Variants in ALDH1A1 observed in about 807,000 individuals in gnomAD.
The protein encoded by ALDH1A1 is aldehyde dehydrogenase 1A1.
ALDH1A1 carries 19 observed loss-of-function variants against 62.1 expected under a neutral mutation model. The observed-to-expected ratio is 0.31, with a 90% CI of 0.21 to 0.45. The LOEUF is 0.45. Among genes scored for constraint, ALDH1A1 ranks in the 20% least tolerant of loss-of-function variants. ALDH1A1 has a pLI of 1.00. For synonymous variants in ALDH1A1, 231 were observed against 215.9 expected, an observed-to-expected ratio of 1.07 and a Z score of -0.61; for missense variants, 521 against 607.1, an observed-to-expected ratio of 0.86 and a Z score of 1.49.
intron 1 of ALDH1A1, among the ~76,000 whole-genome samples, chr9:72,942,747 C>CT (rs915785972): frequency 1.3e-5 from 2 of 152,112 alleles, no homozygotes; most frequent in African/African-American, 4.8e-5. Flanking sequence ...TTGCAGCATG[C>CT]TTTTATTCAC....
intron 11 of ALDH1A1, among the ~76,000 whole-genome samples, chr9:72,907,175 C>T (rs752318143): frequency 6.6e-6 from 1 of 152,172 alleles, no homozygotes; most frequent in Non-Finnish European, 1.5e-5. Flanking sequence ...TGTCTCTCAT[C>T]CTGGAGGGAT....
At chr9:72,948,976 C>T (rs185455123) in intron 1 of ALDH1A1, among the ~76,000 whole-genome samples, 11 of 151,894 alleles carry the variant, frequency 7.2e-5, no homozygotes, top group Admixed American at 2.0e-4. Context: ...CACTTCAAAT[C>T]GTGCCTGGGA....
intron 12 of ALDH1A1, among the ~76,000 whole-genome samples, chr9:72,901,786 G>T (rs1829806482): frequency 6.6e-6 from 1 of 151,968 alleles, no homozygotes; most frequent in Non-Finnish European, 1.5e-5. Context: ...CTAGAGCAGA[G>T]CTTGTATTTA....
chr9:72,912,587 C>T (rs1830006249), intron 9 of ALDH1A1, among the ~76,000 whole-genome samples: 1 of 152,174 alleles, frequency 6.6e-6, no homozygotes, highest in African/African-American at 2.4e-5. Flanking sequence ...TCCCGAGCCT[C>T]TGTTTGATCT....
At chr9:72,928,378 C>A (rs1049812552) in intron 4 of ALDH1A1, among the ~76,000 whole-genome samples, 22 of 152,170 alleles carry the variant, frequency 1.4e-4, no homozygotes, top group Admixed American at 2.0e-4. Context: ...TCCCATCTTG[C>A]TTTGAAGATA....
At chr9:72,921,803 AAGAG>A (rs1830149606) in intron 7 of ALDH1A1, among the ~76,000 whole-genome samples, 1 of 151,616 alleles carries the variant, frequency 6.6e-6, no homozygotes, top group African/African-American at 2.4e-5. Flanking sequence ...GATAATCAGC[AAGAG>A]AGAGAGACAC....
chr9:72,920,260 TAAATCAA>T (rs1250331272), intron 7 of ALDH1A1, among the ~76,000 whole-genome samples: 10 of 152,196 alleles, frequency 6.6e-5, no homozygotes, highest in African/African-American at 2.4e-4. Flanking sequence ...TTTATGTTTC[TAAATCAA>T]ACCCCTAAAA....
At chr9:72,909,187 G>GTTTT (rs1554739536) in intron 11 of ALDH1A1, among the ~76,000 whole-genome samples, 1 of 114,380 alleles carries the variant, frequency 8.7e-6, no homozygotes, top group African/African-American at 3.7e-5. Flanking sequence ...TTGAGACGGA[G>GTTTT]TTTTGCTCTT....
chr9:72,922,915 C>T (rs1056314771), intron 7 of ALDH1A1, among the ~76,000 whole-genome samples: 1 of 152,060 alleles, frequency 6.6e-6, no homozygotes, highest in Admixed American at 6.5e-5. Context: ...ACAAAGAAGA[C>T]ATATATATAT....
chr9:72,902,649 A>G (rs1482749384), intron 12 of ALDH1A1, among the ~76,000 whole-genome samples: 1 of 151,972 alleles, frequency 6.6e-6, no homozygotes, highest in Non-Finnish European at 1.5e-5. Flanking sequence ...TGGGTCATAT[A>G]GGCACTTGAA....
chr9:72,917,093 C>T lies in ALDH1A1; in HGVS notation c.862G>A (p.Val288Ile), dbSNP rs1000735238. 5.0e-6 allele frequency: 8 copies of T among 1,584,720 alleles called. No individual in the cohort carries two copies. Among genetic ancestry groups the T allele is most frequent in the Non-Finnish European group, 6.0e-6 (7 of 1,165,156 alleles). ...VLADADLDNA[V>I]EFAHHGVFYH... ...AATACCCCATGGTGTGCAAATTCAA[C>T]AGCATTGTCCACTGCGAAGAAGACA... The change falls in exon 9 of 13, where the codon GTT becomes ATT. Residue 288 changes from valine (V) to isoleucine (I), a missense_variant. Transcript: ENST00000297785.
chr9:72,908,849 C>G (rs1829940745), intron 11 of ALDH1A1, among the ~76,000 whole-genome samples: 1 of 151,888 alleles, frequency 6.6e-6, no homozygotes, highest in South Asian at 2.1e-4. Context: ...GAGATATAAA[C>G]TAGGTCAAAA....
At position 72,930,930 on chromosome 9, in the gene ALDH1A1, T is replaced by TA; in HGVS notation, c.260_261insT (p.Leu88ThrfsTer7). On this transcript the variant is annotated frameshift_variant, in exon 3 of 13. Coordinates refer to ENST00000297785, the MANE Select transcript of ALDH1A1 (RefSeq NM_000689.5). LOFTEE classifies it high-confidence loss of function. ...TTAAATCAGCCAACTTGTATAATAG[T>TA]CGCCCCCTCTCGGAAGCATCCATAG... is the stretch of plus-strand genomic sequence containing the variant. 1 of 1,614,056 alleles carries TA rather than the reference T, an allele frequency of 6.2e-7. No homozygotes were observed. Among genetic ancestry groups the TA allele is most frequent in the Non-Finnish European group, 8.5e-7 (1 of 1,179,972 alleles).
rs746369821 is a variant in ALDH1A1, at chr9:72,927,161, T to A, written c.459A>T (p.Thr153=). The change falls in exon 5 of 13, where the codon ACA becomes ACT. Residue 153 remains threonine, a synonymous_variant. Coordinates refer to ENST00000297785, the MANE Select transcript of ALDH1A1 (RefSeq NM_000689.5). ...CACCAATAGGTTCATGTCTTGTATA[T>A]GTAAAAAAATTTCCATCTGAAAAAT... ...RTIPIDGNFF[T]YTRHEPIGVC... is the part of the protein sequence containing the mutation. 1 of 1,606,106 alleles carries A rather than the reference T, an allele frequency of 6.2e-7. No homozygotes were observed. Among genetic ancestry groups the A allele is most frequent in the Non-Finnish European group, 8.5e-7 (1 of 1,176,284 alleles).
chr9:72,918,691 G>T, intron 8 of ALDH1A1, 29 bp downstream of exon 8: 2 of 1,211,230 alleles, frequency 1.7e-6, no homozygotes, highest in Non-Finnish European at 2.1e-6. Flanking sequence ...GATGAAGGAC[G>T]AAAAGTTAAC....
Position 72,917,968 on chromosome 9 carries a change from A to G in ALDH1A1, c.850+752T>C, listed in dbSNP as rs574044694. ...ATCTTTCATGTTTATAGAATATTTC[A>G]TAAGGTAGTGTGTTCTAAAATACTT... On this transcript the variant is annotated intron_variant, in intron 8 of 12. Transcript: ENST00000297785. 5.9e-5 allele frequency among the ~76,000 whole-genome samples: 9 copies of G among 152,348 alleles called. No homozygotes were observed. In the East Asian group the frequency reaches 1.5e-3, roughly 26 times the overall value.
intron 11 of ALDH1A1, among the ~76,000 whole-genome samples, chr9:72,906,542 C>A (rs930316923): frequency 2.0e-5 from 3 of 152,056 alleles, no homozygotes; most frequent in African/African-American, 7.2e-5. Flanking sequence ...GAGGCCTTGG[C>A]AGGAGTTGGG....
Position 72,944,476 on chromosome 9 carries a change from AT to A in ALDH1A1, c.67-4225del, listed in dbSNP as rs959674236. Among the ~76,000 whole-genome samples the A allele has an allele frequency of 3.4e-3, 511 of 151,624 alleles. 4 individuals are homozygous for A. The highest frequency in any genetic ancestry group is 0.012 in the African/African-American group (483 of 41,330). On this transcript the variant is annotated intron_variant, in intron 1 of 12. Coordinates refer to ENST00000297785, the MANE Select transcript of ALDH1A1 (RefSeq NM_000689.5). ...TATTCATAGGGCCTACCTCAAATAC[AT>A]TTTTTTTCTGTTTTAATTATAGGAG...
intron 7 of ALDH1A1, among the ~76,000 whole-genome samples, chr9:72,923,600 C>T (rs1235771280): frequency 6.6e-6 from 1 of 152,124 alleles, no homozygotes; most frequent in African/African-American, 2.4e-5. Context: ...GGCTCTCTTT[C>T]ACAGTGTCCA....
Sources: gnomAD v4.1 joint callset for allele counts (sites outside exome capture counted in the v4.1 genomes callset) on GRCh38, gnomAD v4.1.1 for gene constraint, MANE v1.5 for transcripts, NCBI Gene and HGNC (gene_info 2026-07-23, HGNC 2026-07-21) for gene names.